Variants in PHKB observed in about 807,000 individuals in gnomAD.
PHKB encodes phosphorylase kinase regulatory subunit beta, also known as phosphorylase b kinase regulatory subunit beta.
PHKB carries 122 observed loss-of-function variants against 152.1 expected under a neutral mutation model. The ratio of observed to expected loss-of-function variants is 0.80; its 90% CI spans 0.69 to 0.93. The LOEUF is 0.93. PHKB is among the 40% of genes least tolerant of loss of function. The probability of loss-of-function intolerance (pLI) is 0.00; values close to 1 mark genes in which losing one functional copy is unlikely to be tolerated. For synonymous variants in PHKB, 436 were observed against 464.9 expected (o/e 0.94, Z 0.80); for missense variants, 1,304 against 1,328.4 (o/e 0.98, Z 0.29).
intron 20 of PHKB, among the ~76,000 whole-genome samples, chr16:47,655,363 C>G (rs1973317449): frequency 6.6e-6 from 1 of 152,100 alleles, no homozygotes; most frequent in African/African-American, 2.4e-5. Flanking sequence ...TACTTTCAAG[C>G]TTTTACTTTG....
Position 47,461,444 on chromosome 16 carries a change from G to A in PHKB, c.76+18G>A, listed in dbSNP as rs751843004. On this transcript the variant is annotated intron_variant, in intron 1 of 30. Coordinates refer to ENST00000323584, the MANE Select transcript of PHKB (RefSeq NM_000293.3). ...GCGCTCAGGTTTGGCTGGCTGGGGCGCCGCCCCCCACCCGAGTACCTTGGG... is the reference window on the plus strand; with the variant it reads ...GCGCTCAGGTTTGGCTGGCTGGGGCACCGCCCCCCACCCGAGTACCTTGGG... The A allele has an allele frequency of 1.8e-5, 29 of 1,611,756 alleles. No individual in the cohort carries two copies. Among genetic ancestry groups the A allele is most frequent in the African/African-American group, 1.6e-4 (12 of 74,914 alleles).
intron 26 of PHKB, among the ~76,000 whole-genome samples, chr16:47,671,776 T>C (rs1250940610): frequency 1.3e-5 from 2 of 152,198 alleles, no homozygotes; most frequent in Non-Finnish European, 2.9e-5. Context: ...TAGTGAAACA[T>C]TGCGAACAAC....
At chr16:47,663,550 G>T (rs1973480558) in intron 23 of PHKB, 127 bp from the exon 24 acceptor site, 5 of 744,488 alleles carry the variant, frequency 6.7e-6, no homozygotes, top group Non-Finnish European at 1.2e-5. Flanking sequence ...TGTTAGTTCA[G>T]AACATTAATG....
At chr16:47,517,477 G>A (rs773608624) in intron 6 of PHKB, among the ~76,000 whole-genome samples, 44 of 152,000 alleles carry the variant, frequency 2.9e-4, no homozygotes, top group African/African-American at 9.6e-4. Context: ...GGCTGTTCTC[G>A]ATCTCCTGGG....
intron 6 of PHKB, among the ~76,000 whole-genome samples, chr16:47,535,216 G>A (rs1054002115): frequency 3.9e-5 from 6 of 152,258 alleles, no homozygotes; most frequent in Admixed American, 2.6e-4. Context: ...ATATCTTTTT[G>A]AAACTTGGGG....
intron 14 of PHKB, among the ~76,000 whole-genome samples, chr16:47,639,206 C>G (rs1233389783): frequency 6.6e-6 from 1 of 152,120 alleles, no homozygotes; most frequent in African/African-American, 2.4e-5. Flanking sequence ...CCCAGGATGT[C>G]TAGGCTGCAG....
At chr16:47,683,740 G>T (rs184684139) in intron 26 of PHKB, among the ~76,000 whole-genome samples, 1 of 152,126 alleles carries the variant, frequency 6.6e-6, no homozygotes, top group Admixed American at 6.5e-5. Flanking sequence ...GCCCTGCTTC[G>T]GCTCGTGCAC....
intron 6 of PHKB, among the ~76,000 whole-genome samples, chr16:47,532,509 G>A (rs930829582): frequency 9.8e-5 from 15 of 152,352 alleles, no homozygotes; most frequent in African/African-American, 3.6e-4. Flanking sequence ...CAGATGTGGA[G>A]TGGTGAGGGG....
chr16:47,570,692 T>G (rs2151687357), intron 7 of PHKB, among the ~76,000 whole-genome samples: 1 of 152,072 alleles, frequency 6.6e-6, no homozygotes, highest in Admixed American at 6.5e-5. Flanking sequence ...TATTTTTTTT[T>G]TATTTCTTTA....
chr16:47,523,819 A>G (rs1970723543), intron 6 of PHKB, among the ~76,000 whole-genome samples: 1 of 152,216 alleles, frequency 6.6e-6, no homozygotes, highest in South Asian at 2.1e-4. Flanking sequence ...CTCTGAGGTC[A>G]TTTAAAGAAA....
At chr16:47,630,632 A>G (rs1378125940) in intron 14 of PHKB, among the ~76,000 whole-genome samples, 1 of 152,174 alleles carries the variant, frequency 6.6e-6, no homozygotes, top group Non-Finnish European at 1.5e-5. Context: ...ATGTTCCTGC[A>G]CCCATGTGAT....
At chr16:47,545,082 A>G (rs1971135411) in intron 6 of PHKB, among the ~76,000 whole-genome samples, 1 of 152,194 alleles carries the variant, frequency 6.6e-6, no homozygotes, top group Non-Finnish European at 1.5e-5. Context: ...TGGGGCATTT[A>G]GCCCATTTAC....
At chr16:47,507,581 C>T (rs1290619997) in intron 4 of PHKB, among the ~76,000 whole-genome samples, 1 of 151,884 alleles carries the variant, frequency 6.6e-6, no homozygotes, top group African/African-American at 2.4e-5. Flanking sequence ...TGGTCTCAAA[C>T]TCCTGGGCTC....
At chr16:47,637,128 C>T (rs556371809) in intron 14 of PHKB, among the ~76,000 whole-genome samples, 1 of 152,270 alleles carries the variant, frequency 6.6e-6, no homozygotes, top group East Asian at 1.9e-4. Context: ...CACTGCGGGT[C>T]TCCTCTCAGC....
chr16:47,686,285 G>A (rs1056516974), intron 26 of PHKB, among the ~76,000 whole-genome samples: 4 of 152,138 alleles, frequency 2.6e-5, no homozygotes, highest in African/African-American at 9.7e-5. Context: ...CAAGTTAGTG[G>A]CAGAGTTTAA....
rs1407626626 is a variant in PHKB, at chr16:47,515,533, T to C, written c.526T>C (p.Ser176Pro). 1 of 1,432,910 alleles carries C rather than the reference T, an allele frequency of 7.0e-7. No homozygotes were observed. Among genetic ancestry groups the C allele is most frequent in the East Asian group, 2.3e-5 (1 of 43,882 alleles). 88.8% of individuals were successfully genotyped at this position (1,432,910 alleles called of 1,614,324 possible). A position where few individuals can be genotyped will look rare whatever the true frequency, so the allele number is the denominator to read the frequency against. The change falls in exon 6 of 31, where the codon TCA (serine) becomes CCA (proline). Residue 176 changes from serine to proline, a missense_variant. Ser to Pro is a moderately conservative substitution (Grantham distance 74, BLOSUM62 -1). Transcript: ENST00000323584. ...EYGHLQINAV[S>P]LYLLYLVEMI... is the part of the protein sequence containing the mutation. ...CTGTTTGTTGCAGATAAATGCAGTG[T>C]CACTTTATCTCCTTTACCTTGTGGA... is the stretch of plus-strand genomic sequence containing the variant.
At chr16:47,563,228 G>A (rs1013991958) in intron 7 of PHKB, among the ~76,000 whole-genome samples, 6 of 150,096 alleles carry the variant, frequency 4.0e-5, no homozygotes, top group Non-Finnish European at 8.9e-5. Context: ...GTTCTTAGTG[G>A]CATCTAGAAT....
intron 7 of PHKB, among the ~76,000 whole-genome samples, chr16:47,573,895 C>G (rs1364443957): frequency 6.6e-6 from 1 of 151,978 alleles, no homozygotes; most frequent in Non-Finnish European, 1.5e-5. Context: ...TCCATCCCTG[C>G]TAGGGTGTGG....
At chr16:47,538,353 C>T (rs74797405) in intron 6 of PHKB, among the ~76,000 whole-genome samples, 7 of 152,216 alleles carry the variant, frequency 4.6e-5, no homozygotes, top group Non-Finnish European at 1.0e-4. Context: ...GCAAGGTAGC[C>T]CGAGTTGGGT....
Sources: gnomAD v4.1 joint callset for allele counts (sites outside exome capture counted in the v4.1 genomes callset) on GRCh38, gnomAD v4.1.1 for gene constraint, MANE v1.5 for transcripts, NCBI Gene and HGNC (gene_info 2026-07-23, HGNC 2026-07-21) for gene names.